The following PRSS54 variants were observed in gnomAD, a reference collection of about 807,000 sequenced individuals.
PRSS54 encodes the protein serine protease 54.
A neutral mutation model predicts 19.9 loss-of-function variants in PRSS54; 16 were observed. The observed-to-expected ratio is 0.80, with a 90% CI of 0.54 to 1.22. The LOEUF (loss-of-function observed/expected upper bound fraction) is 1.22, where lower values mean the gene tolerates loss of function less well. PRSS54 is among the 50% of genes most tolerant of loss of function. The probability of loss-of-function intolerance (pLI) is 0.00; values close to 1 mark genes in which losing one functional copy is unlikely to be tolerated. For missense variants in PRSS54, 444 were observed against 494.8 expected (o/e 0.90, Z 0.97); for synonymous variants, 177 against 195.8 (o/e 0.90, Z 0.80).
Position 58,280,253 on chromosome 16 carries a change from C to A in PRSS54, c.1159G>T (p.Val387Leu), listed in dbSNP as rs571314356. ...ATACTGCTGCAAAAGAAAACAAGCACGAAGGAAACCAAGATGATTTCTTCG... is the reference window on the plus strand; with the variant it reads ...ATACTGCTGCAAAAGAAAACAAGCAAGAAGGAAACCAAGATGATTTCTTCG... ...QPEEIILVSF[V>L]LVFFCSSI The change falls in exon 7 of 7, where the codon GTG becomes TTG. Residue 387 changes from valine to leucine, a missense_variant. Physicochemically the swap from Val to Leu is conservative, Grantham distance 32 (BLOSUM62 1). Transcript: ENST00000567164. 1.2e-6 allele frequency: 2 copies of A among 1,612,904 alleles called. No homozygotes were observed. The highest frequency in any genetic ancestry group is 1.7e-5 in the Admixed American group (1 of 59,894).
chr16:58,288,423 CA>C (rs145245937), intron 4 of PRSS54, among the ~76,000 whole-genome samples: 5,448 of 150,312 alleles, frequency 0.036, 139 homozygotes, highest in East Asian at 0.08. Flanking sequence ...AAGATTGTCT[CA>C]AAAAAAAATT....
chr16:58,284,548 G>T (rs887352552), intron 6 of PRSS54, 42 bp downstream of exon 6: 1 of 1,611,756 alleles, frequency 6.2e-7, no homozygotes, highest in East Asian at 2.2e-5. Context: ...TGTGACCAAG[G>T]CTTACTCTCA....
chr16:58,291,220 A>G (rs1286299744), intron 3 of PRSS54, 84 bp from the exon 4 acceptor site: 5 of 1,289,026 alleles, frequency 3.9e-6, no homozygotes, highest in African/African-American at 1.5e-5. Flanking sequence ...CTCGATCATC[A>G]CTAACGCTAT....
At position 58,293,588 on chromosome 16, in the gene PRSS54, A is replaced by G. The variant is rs1965083800; in HGVS notation, c.85+144T>C. Reference sequence around the variant, plus strand: ...CTTCTTTGCCTGGTTCCTGCCACCAATGCAGGCCGCCCGGTGCAAAGTGCC... The same window carrying G: ...CTTCTTTGCCTGGTTCCTGCCACCAGTGCAGGCCGCCCGGTGCAAAGTGCC... On this transcript the variant is annotated intron_variant, in intron 3 of 6. Coordinates refer to ENST00000567164, the MANE Select transcript of PRSS54 (RefSeq NM_001305173.2). 6.7e-6 allele frequency: 10 copies of G among 1,482,222 alleles called. No individual in the cohort carries two copies. The African/African-American group carries it at 7.0e-5, about 10-fold the overall frequency. The allele number at this position is 1,482,222 out of a possible 1,614,324, so 91.8% of individuals were successfully genotyped here.
In PRSS54 at chr16:58,290,860, A is replaced by G. The variant is rs994677863; in HGVS notation, c.263+99T>C. The G allele has an allele frequency of 3.0e-6, 4 of 1,342,384 alleles. No homozygotes were observed. The South Asian group carries it at 5.4e-5, about 18-fold the overall frequency. 83.2% of individuals were successfully genotyped at this position (1,342,384 alleles called of 1,614,324 possible). On this transcript the variant is annotated intron_variant, in intron 4 of 6. Transcript: ENST00000567164. ...CTGGTAAAAAGCCCTGTCCCCCCAG[A>G]ATGCACCTTTCAGGGCCTCCCCAGG...
At chr16:58,286,916 G>C (rs72786165) in intron 4 of PRSS54, among the ~76,000 whole-genome samples, 15,672 of 152,120 alleles carry the variant, frequency 0.1, 888 homozygotes, top group Admixed American at 0.13. Context: ...ACAAGACCAT[G>C]ACCAAAATGA....
intron 4 of PRSS54, among the ~76,000 whole-genome samples, chr16:58,286,696 G>A (rs1964927356): frequency 6.6e-6 from 1 of 151,956 alleles, no homozygotes; most frequent in African/African-American, 2.4e-5. Context: ...TTCTCCTCTT[G>A]GGAATCACCC....
chr16:58,288,794 A>G (rs1292673315), intron 4 of PRSS54, among the ~76,000 whole-genome samples: 1 of 152,206 alleles, frequency 6.6e-6, no homozygotes, highest in African/African-American at 2.4e-5. Flanking sequence ...ATAACAGGTT[A>G]TGGTGCAGCT....
intron 4 of PRSS54, among the ~76,000 whole-genome samples, chr16:58,290,078 CATATACAT>C (rs140174763): frequency 6.8e-6 from 1 of 147,526 alleles, no homozygotes. Context: ...ATAGATATTC[CATATACAT>C]ATATACATAT....
Position 58,280,054 on chromosome 16 carries a change from C to A in PRSS54, c.*170G>T. 1.5e-6 allele frequency: 1 copy of A among 689,296 alleles called. No individual in the cohort carries two copies. Among genetic ancestry groups the A allele is most frequent in the East Asian group, 2.7e-5 (1 of 36,858 alleles). The allele number at this position is 689,296 out of a possible 1,614,324, so 42.7% of individuals were successfully genotyped here. On this transcript the variant is annotated 3_prime_UTR_variant, in exon 7 of 7. Coordinates refer to ENST00000567164, the MANE Select transcript of PRSS54 (RefSeq NM_001305173.2). ...ACAAGCATAGTGAAAGTGACCTTCCCACACCTGGGAGAGGGATAGAGGAGG... is the reference window on the plus strand; with the variant it reads ...ACAAGCATAGTGAAAGTGACCTTCCAACACCTGGGAGAGGGATAGAGGAGG...
intron 5 of PRSS54, chr16:58,285,424 A>C (rs1290005863): frequency 1.2e-5 from 2 of 167,392 alleles, no homozygotes; most frequent in Admixed American, 1.1e-4. Context: ...GCTAGAGGGT[A>C]AAGGACCAAT....
intron 6 of PRSS54, chr16:58,281,544 C>T (rs1478209928): frequency 6.6e-6 from 1 of 152,330 alleles, no homozygotes; most frequent in Non-Finnish European, 1.5e-5. Flanking sequence ...CCTGCCCAGA[C>T]CCCACACCCC....
chr16:58,284,513 AG>A (rs1964862379), intron 6 of PRSS54, 76 bp downstream of exon 6: 6 of 1,535,174 alleles, frequency 3.9e-6, no homozygotes, highest in Non-Finnish European at 5.4e-6. Flanking sequence ...CATCTAGGGA[AG>A]GGGAGTCCTG....
intron 6 of PRSS54, among the ~76,000 whole-genome samples, chr16:58,284,007 ATC>A (rs1404982716): frequency 1.3e-5 from 2 of 152,224 alleles, no homozygotes; most frequent in Non-Finnish European, 2.9e-5. Context: ...CTGTCTGGAT[ATC>A]TGGTAGACCT....
rs199774931 is a variant in PRSS54 at position 58,280,263 on chromosome 16, C to A, written c.1149G>T (p.Leu383Phe). 6.5e-5 allele frequency: 105 copies of A among 1,613,586 alleles called. 1 individual carries two copies. The Middle Eastern group carries it at 3.0e-3, about 46-fold the overall frequency. ...NRLYQPEEII[L>F]VSFVLVFFCS... ...AAAAGAAAACAAGCACGAAGGAAAC[C>A]AAGATGATTTCTTCGGGCTGATACA... Residue 383 changes from leucine (L) to phenylalanine (F), a missense_variant, in exon 7 of 7, where the codon TTG (leucine) becomes TTT (phenylalanine). Transcript: ENST00000567164.
chr16:58,290,009 G>C (rs1159734733), intron 4 of PRSS54, among the ~76,000 whole-genome samples: 1 of 151,300 alleles, frequency 6.6e-6, no homozygotes, highest in Non-Finnish European at 1.5e-5. Context: ...CCAATACTCT[G>C]TGTGTGTATA....
chr16:58,289,248 C>T (rs978106311), intron 4 of PRSS54, among the ~76,000 whole-genome samples: 6 of 152,156 alleles, frequency 3.9e-5, no homozygotes, highest in Non-Finnish European at 8.8e-5. Flanking sequence ...TCTACTGACA[C>T]CTGGATCTTA....
chr16:58,292,348 T>C (rs372887756), intron 3 of PRSS54, among the ~76,000 whole-genome samples: 2 of 152,078 alleles, frequency 1.3e-5, no homozygotes, highest in South Asian at 4.1e-4. Context: ...TGAAGAGTGA[T>C]GGCCATATAG....
intron 6 of PRSS54, 125 bp downstream of exon 6, chr16:58,284,465 C>T: frequency 1.9e-6 from 2 of 1,059,972 alleles, no homozygotes; most frequent in South Asian, 1.4e-5. Flanking sequence ...ACTCCAGAGA[C>T]AGCCACTCAT....
Sources: gnomAD v4.1 joint callset for allele counts (sites outside exome capture counted in the v4.1 genomes callset) on GRCh38, gnomAD v4.1.1 for gene constraint, MANE v1.5 for transcripts, NCBI Gene and HGNC (gene_info 2026-07-23, HGNC 2026-07-21) for gene names.